Variants in ALDH3A2 observed in about 807,000 individuals in gnomAD.
ALDH3A2 encodes the protein aldehyde dehydrogenase family 3 member A2.
In ALDH3A2, 36 loss-of-function variants were observed where a neutral mutation model predicts 51.3. The ratio of observed to expected loss-of-function variants is 0.70; its 90% CI spans 0.54 to 0.93. ALDH3A2 has a LOEUF of 0.93. Ranked by LOEUF, ALDH3A2 falls within the 40% of genes least tolerant of loss-of-function variation. The pLI, the probability that ALDH3A2 is intolerant of heterozygous loss-of-function variation, is 0.00. For missense variants in ALDH3A2, 552 were observed against 603.1 expected, an observed-to-expected ratio of 0.92 and a Z score of 0.89; for synonymous variants, 199 against 219.8, an observed-to-expected ratio of 0.91 and a Z score of 0.84.
intron 1 of ALDH3A2, 99 bp downstream of exon 1, chr17:19,649,223 A>T: frequency 1.4e-6 from 2 of 1,460,434 alleles, no homozygotes; most frequent in Non-Finnish European, 1.8e-6. Context: ...TACATTTCGG[A>T]TTACTCCAGC....
chr17:19,670,851 G>A (rs576105825), intron 8 of ALDH3A2, among the ~76,000 whole-genome samples: 5 of 152,184 alleles, frequency 3.3e-5, no homozygotes, highest in South Asian at 4.1e-4. Context: ...GTGAGCCACC[G>A]CACCCGGCCC....
In ALDH3A2 at chr17:19,654,501, C is replaced by T. The variant is rs946839574; in HGVS notation, c.472-1865C>T. 2.0e-5 allele frequency among the ~76,000 whole-genome samples: 3 copies of T among 152,146 alleles called. No homozygotes were observed. Among genetic ancestry groups the T allele is most frequent in the East Asian group, 1.9e-4 (1 of 5,180 alleles). On this transcript the variant is annotated intron_variant, in intron 3 of 9. Coordinates refer to ENST00000176643, the MANE Select transcript of ALDH3A2 (RefSeq NM_000382.3). The surrounding 1 kb of genome is among the most constrained non-coding windows in gnomAD (Gnocchi z 4.5). ...AGGCCCGGCGAGAATTCGAGTGTGG[C>T]GCTGGTGGGCTGGCATTGCTGGGGG...
chr17:19,661,007 G>A, intron 5 of ALDH3A2, 120 bp from the exon 6 acceptor site: 1 of 959,824 alleles, frequency 1.0e-6, no homozygotes, highest in South Asian at 1.4e-5. Context: ...GAGGGGTGGG[G>A]TGTTAGATTC....
chr17:19,653,005 T>C (rs893412932), intron 3 of ALDH3A2, among the ~76,000 whole-genome samples: 7 of 152,092 alleles, frequency 4.6e-5, no homozygotes, highest in Non-Finnish European at 2.9e-5. Context: ...ACAATCTCTT[T>C]TGTTCTAACA....
intron 6 of ALDH3A2, among the ~76,000 whole-genome samples, chr17:19,663,089 A>G (rs2084988498): frequency 2.0e-5 from 3 of 152,204 alleles, no homozygotes. Context: ...TTCAATGTGA[A>G]AAAGATATAT....
chr17:19,662,533 T>C (rs994350243), intron 6 of ALDH3A2, among the ~76,000 whole-genome samples: 1 of 152,178 alleles, frequency 6.6e-6, no homozygotes, highest in Non-Finnish European at 1.5e-5. Context: ...AGTTGGTGAC[T>C]TACATTGGCA....
At chr17:19,652,453 G>A (rs1645501031) in intron 2 of ALDH3A2, 94 bp from the exon 3 acceptor site, 1 of 888,670 alleles carries the variant, frequency 1.1e-6, no homozygotes, top group African/African-American at 1.7e-5. Context: ...GAAATAATTG[G>A]GAGTACCTAG....
chr17:19,673,515 C>T (rs1597575325), intron 9 of ALDH3A2, among the ~76,000 whole-genome samples: 1 of 151,794 alleles, frequency 6.6e-6, no homozygotes. Flanking sequence ...TTCCGGAGTT[C>T]GAGAACAGCC....
chr17:19,659,859 AG>A, intron 5 of ALDH3A2, among the ~76,000 whole-genome samples: 1 of 147,466 alleles, frequency 6.8e-6, no homozygotes, highest in East Asian at 1.9e-4. Context: ...AAAAAAAAAA[AG>A]AGAAAATTAT....
chr17:19,648,750 C>A, upstream of ALDH3A2: 1 of 623,940 alleles, frequency 1.6e-6, no homozygotes, highest in Non-Finnish European at 2.8e-6. Context: ...GGGTCGAGCT[C>A]AGTCCTCCCC....
chr17:19,671,576 G>A, intron 8 of ALDH3A2, 145 bp from the exon 9 acceptor site: 1 of 756,914 alleles, frequency 1.3e-6, no homozygotes, highest in Non-Finnish European at 2.3e-6. Context: ...AGGACTTCCT[G>A]AAAAGAGATA....
rs946638734 is a variant in ALDH3A2 at position 19,654,305 on chromosome 17, C to T, written c.471+1673C>T. 1.3e-5 allele frequency among the ~76,000 whole-genome samples: 2 copies of T among 152,262 alleles called. No homozygotes were observed. Among genetic ancestry groups the T allele is most frequent in the East Asian group, 3.8e-4 (2 of 5,196 alleles). ...GGAGCTGCCCATCAGTCCAGCGCTGCGCGCCTGCACCCCTCAGCCCTTGGG... is the reference window on the plus strand; with the variant it reads ...GGAGCTGCCCATCAGTCCAGCGCTGTGCGCCTGCACCCCTCAGCCCTTGGG... On this transcript the variant is annotated intron_variant, in intron 3 of 9. Coordinates refer to ENST00000176643, the MANE Select transcript of ALDH3A2 (RefSeq NM_000382.3). This position sits in a 1 kb window ranked among gnomAD's most constrained non-coding sequence, Gnocchi z 4.5.
rs1385105439 is a variant in ALDH3A2, at chr17:19,654,078, A to G, written c.471+1446A>G. 1.3e-5 allele frequency among the ~76,000 whole-genome samples: 2 copies of G among 152,210 alleles called. No individual in the cohort carries two copies. The highest frequency in any genetic ancestry group is 4.8e-5 in the African/African-American group (2 of 41,456). On this transcript the variant is annotated intron_variant, in intron 3 of 9. Transcript: ENST00000176643. The surrounding 1 kb of genome is among the most constrained non-coding windows in gnomAD (Gnocchi z 4.5). The stretch of plus-strand genomic sequence containing the variant: ...CTGGTGCTTTTACAATCCTCTAGCT[A>G]GACATAAAAGTTCTCCAAATCCCCA...
At chr17:19,660,559 A>G (rs772735784) in intron 5 of ALDH3A2, among the ~76,000 whole-genome samples, 1 of 152,242 alleles carries the variant, frequency 6.6e-6, no homozygotes, top group Non-Finnish European at 1.5e-5. Flanking sequence ...TAATTTACCA[A>G]AGCTGTATTT....
intron 3 of ALDH3A2, among the ~76,000 whole-genome samples, chr17:19,653,719 G>A (rs2084852178): frequency 6.6e-6 from 1 of 152,184 alleles, no homozygotes; most frequent in African/African-American, 2.4e-5. Flanking sequence ...GCAGCAGCAA[G>A]ATTTATTGCA....
intron 9 of ALDH3A2, chr17:19,673,008 T>C (rs2152333634): frequency 8.9e-7 from 1 of 1,118,328 alleles, no homozygotes; most frequent in South Asian, 1.2e-5. Flanking sequence ...GCCACTGCAC[T>C]CCAGCCTGGG....
Position 19,652,537 on chromosome 17 carries a change from C to T in ALDH3A2, c.386-10C>T, listed in dbSNP as rs1173806360. 1.2e-6 allele frequency: 2 copies of T among 1,606,688 alleles called. No homozygotes were observed. The highest frequency in any genetic ancestry group is 1.1e-5 in the South Asian group (1 of 90,916). ...TTAGATGATACTGTTCTACTTTTTA[C>T]TTTATTTAGGAAATGCTGTGATTAT... is the stretch of plus-strand genomic sequence containing the variant. On this transcript the variant is annotated splice_polypyrimidine_tract_variant and intron_variant, in intron 2 of 9. Transcript: ENST00000176643.
At chr17:19,650,283 CT>C (rs574436717) in intron 1 of ALDH3A2, among the ~76,000 whole-genome samples, 366 of 143,152 alleles carry the variant, frequency 2.6e-3, no homozygotes, top group Admixed American at 2.4e-3. Context: ...AATATTGTTA[CT>C]TTTTTTTTTT....
intron 6 of ALDH3A2, among the ~76,000 whole-genome samples, chr17:19,662,290 C>CTT (rs1348852598): frequency 6.6e-6 from 1 of 152,176 alleles, no homozygotes; most frequent in African/African-American, 2.4e-5. Flanking sequence ...AGGAAGTAGA[C>CTT]ACTCAGCCCA....
Sources: gnomAD v4.1 joint callset for allele counts (sites outside exome capture counted in the v4.1 genomes callset) on GRCh38, gnomAD v4.1.1 for gene constraint, Gnocchi (gnomAD v3.1) non-coding constraint, MANE v1.5 for transcripts, NCBI Gene and HGNC (gene_info 2026-07-23, HGNC 2026-07-21) for gene names.